Variants in TMEM35B observed in about 807,000 individuals in gnomAD.
The protein encoded by TMEM35B is ZMYM6 neighbor protein.
A neutral mutation model predicts 8.7 loss-of-function variants in TMEM35B; 6 were observed. The ratio of observed to expected loss-of-function variants is 0.69; its 90% CI spans 0.38 to 1.36. TMEM35B has a LOEUF of 1.36. Among genes scored for constraint, TMEM35B ranks in the 40% most tolerant of loss-of-function variants. TMEM35B has a pLI of 0.02. For synonymous variants in TMEM35B, 89 were observed against 87.0 expected (o/e 1.02, Z -0.13); for missense variants, 176 against 181.6 (o/e 0.97, Z 0.18).
At chr1:34,982,979 C>T (rs72896079) in intron 2 of TMEM35B, among the ~76,000 whole-genome samples, 6,705 of 152,288 alleles carry the variant, frequency 0.044, 429 homozygotes, top group African/African-American at 0.14. Flanking sequence ...GAAGCAACAG[C>T]TGTCTTTGTA....
chr1:34,984,264 G>A (rs1640538937), intron 1 of TMEM35B, among the ~76,000 whole-genome samples: 1 of 152,186 alleles, frequency 6.6e-6, no homozygotes, highest in South Asian at 2.1e-4. Flanking sequence ...CCAAGGCCTG[G>A]GGAATTCCAC....
At chr1:34,985,275 G>C (rs1291816502) in exon 1 of TMEM35B, 2 of 1,544,078 alleles carry the variant, frequency 1.3e-6, no homozygotes, top group African/African-American at 1.4e-5. Context: ...CCGCCCAGCA[G>C]TACACGCAGC....
exon 2 of TMEM35B, chr1:34,983,925 G>A: frequency 1.3e-6 from 2 of 1,522,660 alleles, no homozygotes. Flanking sequence ...GAACACCTCA[G>A]CAAACTGCAC....
intron 1 of TMEM35B, 44 bp from the exon 2 acceptor site, chr1:34,983,991 G>C: frequency 7.1e-7 from 1 of 1,412,800 alleles, no homozygotes; most frequent in South Asian, 1.7e-5. Flanking sequence ...TGTTCAACAA[G>C]GATGAGCTCC....
intron 1 of TMEM35B, 107 bp from the exon 2 acceptor site, chr1:34,984,054 G>T: frequency 2.7e-6 from 3 of 1,126,876 alleles, no homozygotes; most frequent in Non-Finnish European, 3.6e-6. Context: ...CCAGAGAAAA[G>T]AACTACTACT....
chr1:34,983,722 C>T, intron 2 of TMEM35B, 45 bp downstream of exon 2: 1 of 1,406,836 alleles, frequency 7.1e-7, no homozygotes, highest in Middle Eastern at 1.9e-4. Context: ...TTCCATAATC[C>T]TCCCCCAGAA....
exon 3 of TMEM35B, chr1:34,982,045 G>C (rs756219777): frequency 4.5e-6 from 7 of 1,549,964 alleles, no homozygotes; most frequent in Non-Finnish European, 6.1e-6. Flanking sequence ...AGCAGCAGCA[G>C]GAACCCCAGG....
intron 2 of TMEM35B, 69 bp downstream of exon 2, chr1:34,983,698 G>A: frequency 1.5e-6 from 2 of 1,316,584 alleles, no homozygotes; most frequent in Admixed American, 3.3e-5. Context: ...CAGTAAGGGG[G>A]AACAGCCAGG....
intron 1 of TMEM35B, among the ~76,000 whole-genome samples, chr1:34,984,995 C>T (rs1298029151): frequency 1.3e-5 from 2 of 151,376 alleles, no homozygotes; most frequent in Non-Finnish European, 2.9e-5. Flanking sequence ...GGTTCTGTCC[C>T]CTTCCGTCTA....
chr1:34,982,191 G>A, intron 2 of TMEM35B, 72 bp from the exon 3 acceptor site: 1 of 1,407,242 alleles, frequency 7.1e-7, no homozygotes, highest in Non-Finnish European at 9.4e-7. Context: ...GGGCTCTCTA[G>A]TTTAGGCTGA....
chr1:34,983,536 G>A (rs905357594), intron 2 of TMEM35B, among the ~76,000 whole-genome samples: 8 of 131,446 alleles, frequency 6.1e-5, no homozygotes, highest in African/African-American at 2.5e-4. Context: ...CAGAGATAGT[G>A]CCACTGCAGT....
At chr1:34,982,319 C>T (rs893944973) in intron 2 of TMEM35B, among the ~76,000 whole-genome samples, 200 bp from the exon 3 acceptor site, 2 of 152,072 alleles carry the variant, frequency 1.3e-5, no homozygotes, top group Non-Finnish European at 2.9e-5. Context: ...AATTAGAAGC[C>T]TCTTGAACAA....
chr1:34,984,691 C>A (rs987798179), intron 1 of TMEM35B, among the ~76,000 whole-genome samples: 10 of 152,142 alleles, frequency 6.6e-5, no homozygotes, highest in Admixed American at 2.0e-4. Context: ...GCTTCCCTCT[C>A]TGGGTTCCGA....
In TMEM35B at chr1:34,983,578, C is replaced by CAAAAAAAAAAA. The variant is rs1163962621; in HGVS notation, c.289+178_289+188dup. On this transcript the variant is annotated intron_variant, in intron 2 of 2. Transcript: ENST00000373337. ...TGGGCGAAAGAGCGAGACTCCATCTCAAAAAAAAAAAAAAAAAAAAAAAAA... is the reference window on the plus strand; with the variant it reads ...TGGGCGAAAGAGCGAGACTCCATCTCAAAAAAAAAAAAAAAAAAAAAAAAAAAAAAAAAAAA... Among the ~76,000 whole-genome samples, 146 of 23,216 alleles carry CAAAAAAAAAAA rather than the reference C, an allele frequency of 6.3e-3. 23 individuals are homozygous for CAAAAAAAAAAA. The highest frequency in any genetic ancestry group is 0.032 in the East Asian group (21 of 648). The allele number at this position is 23,216 out of a possible 152,430, so 15.2% of individuals were successfully genotyped here. A position where few individuals can be genotyped will look rare whatever the true frequency, so the allele number is the denominator to read the frequency against.
At chr1:34,981,782 A>G in exon 3 of TMEM35B, 1 of 543,940 alleles carries the variant, frequency 1.8e-6, no homozygotes, top group Non-Finnish European at 3.0e-6. Flanking sequence ...ACTCCTCACA[A>G]AAGAGTAGTA....
chr1:34,984,018 A>T, intron 1 of TMEM35B, 71 bp from the exon 2 acceptor site: 1 of 1,368,438 alleles, frequency 7.3e-7, no homozygotes, highest in Non-Finnish European at 9.6e-7. Context: ...GCTCCATGGC[A>T]TATCTATGCC....
At chr1:34,983,901 A>G in exon 2 of TMEM35B, 1 of 1,540,768 alleles carries the variant, frequency 6.5e-7, no homozygotes, top group Non-Finnish European at 8.8e-7. Context: ...CTGGTAGCCA[A>G]ATACCTTCAG....
intron 2 of TMEM35B, among the ~76,000 whole-genome samples, chr1:34,983,499 A>C (rs1172390932): frequency 6.7e-6 from 1 of 148,338 alleles, no homozygotes; most frequent in African/African-American, 2.6e-5. Context: ...GAATGGTGTG[A>C]ACCCAGGAGG....
intron 2 of TMEM35B, among the ~76,000 whole-genome samples, chr1:34,983,190 T>C (rs987380365): frequency 6.6e-6 from 1 of 152,206 alleles, no homozygotes; most frequent in African/African-American, 2.4e-5. Context: ...GCTTGCAATA[T>C]ATCTTCACAA....
Sources: allele counts gnomAD v4.1 joint callset (sites outside exome capture counted in the v4.1 genomes callset), GRCh38; gene constraint gnomAD v4.1.1; transcripts MANE v1.5; gene names NCBI Gene and HGNC (gene_info 2026-07-23, HGNC 2026-07-21).